UQCC3: variants seen among roughly 807,000 people sequenced by gnomAD.
UQCC3 encodes the protein ubiquinol-cytochrome-c reductase complex assembly factor 3.
A neutral mutation model predicts 3.4 loss-of-function variants in UQCC3; 3 were observed. The observed-to-expected ratio is 0.88, with a 90% CI of 0.40 to 2.26. The LOEUF is 2.26. Among genes scored for constraint, UQCC3 ranks in the 30% most tolerant of loss-of-function variants. The probability of loss-of-function intolerance (pLI) is 0.05; values close to 1 mark genes in which losing one functional copy is unlikely to be tolerated. For missense variants in UQCC3, 141 were observed against 123.0 expected, an observed-to-expected ratio of 1.15 and a Z score of -0.69; for synonymous variants, 57 against 57.1, an observed-to-expected ratio of 1.00 and a Z score of 0.00.
In UQCC3 at chr11:62,671,884, C is replaced by A. The variant is rs1590855462; in HGVS notation, c.120+19C>A. 6.2e-7 allele frequency: 1 copy of A among 1,613,842 alleles called. No individual in the cohort carries two copies. The highest frequency in any genetic ancestry group is 2.2e-5 in the East Asian group (1 of 44,870). ...GCTAAAGGTAGAAGCAACTGGTAGT[C>A]CCGAGGAAGGGTGGGCGGGTGGAGA... On this transcript the variant is annotated intron_variant, in intron 1 of 1. Coordinates refer to ENST00000377953, the MANE Select transcript of UQCC3 (RefSeq NM_001085372.3).
Position 62,673,641 on chromosome 11 carries a change from GTT to G in UQCC3, c.*1528_*1529del, listed in dbSNP as rs1944977699. 3.4e-5 allele frequency: 5 copies of G among 147,202 alleles called. No individual in the cohort carries two copies. The South Asian group carries it at 1.1e-3, about 32-fold the overall frequency. The allele number at this position is 147,202 out of a possible 1,614,324, so 9.1% of individuals were successfully genotyped here. A position where few individuals can be genotyped will look rare whatever the true frequency, so the allele number is the denominator to read the frequency against. ...GACTGCAATTGAAAAAAAGGCTGCT[GTT>G]ATTAAAGTCAGAACACCAAATAAAG... On this transcript the variant is annotated 3_prime_UTR_variant, in exon 2 of 2. Coordinates refer to ENST00000377953, the MANE Select transcript of UQCC3 (RefSeq NM_001085372.3).
In UQCC3 at chr11:62,671,785, C is replaced by T. The variant is rs1313735809; in HGVS notation, c.40C>T (p.Leu14=). Residue 14 remains leucine, a synonymous_variant, in exon 1 of 2, where the codon CTG becomes TTG. Transcript: ENST00000377953. ...LRKMLISVAM[L]GAGAGVGYAL... is the part of the protein sequence containing the mutation. ...GAAAATGCTGATCTCAGTCGCAATG[C>T]TGGGCGCAGGGGCTGGCGTGGGCTA... The T allele has an allele frequency of 1.4e-5, 23 of 1,614,110 alleles. No homozygotes were observed. Among genetic ancestry groups the T allele is most frequent in the Non-Finnish European group, 1.8e-5 (21 of 1,180,008 alleles).
Position 62,672,407 on chromosome 11 carries a change from T to C in UQCC3, c.*293T>C. The C allele has an allele frequency of 2.2e-6, 1 of 444,710 alleles. No homozygotes were observed. Among genetic ancestry groups the C allele is most frequent in the East Asian group, 4.7e-5 (1 of 21,394 alleles). 27.5% of individuals were successfully genotyped at this position (444,710 alleles called of 1,614,324 possible). ...GAGCCCTGCAGTCGACACCTACCAA[T>C]GCTTAGAGACGCGTGGTCGGTGCTG... On this transcript the variant is annotated 3_prime_UTR_variant, in exon 2 of 2. Coordinates refer to ENST00000377953, the MANE Select transcript of UQCC3 (RefSeq NM_001085372.3).
At position 62,671,813 on chromosome 11, in the gene UQCC3, C is replaced by A; in HGVS notation, c.68C>A (p.Ala23Glu). The A allele has an allele frequency of 6.2e-7, 1 of 1,614,126 alleles. No individual in the cohort carries two copies. Among genetic ancestry groups the A allele is most frequent in the South Asian group, 1.1e-5 (1 of 91,086 alleles). The change falls in exon 1 of 2, where the codon GCG becomes GAG. Residue 23 changes from alanine to glutamate, a missense_variant. Physicochemically the swap from Ala to Glu is moderately radical, Grantham distance 107. Transcript: ENST00000377953. ...GGCGCAGGGGCTGGCGTGGGCTACG[C>A]GCTCCTCGTTATCGTGACCCCGGGA... Reference protein sequence around the residue: ...MLGAGAGVGYALLVIVTPGER... With the variant: ...MLGAGAGVGYELLVIVTPGER...
chr11:62,671,888 A>G (rs1437177454), intron 1 of UQCC3, 23 bp downstream of exon 1: 1 of 1,612,948 alleles, frequency 6.2e-7, no homozygotes, highest in African/African-American at 1.3e-5. Context: ...GGTAGTCCCG[A>G]GGAAGGGTGG....
chr11:62,671,675 T>A lies in UQCC3; in HGVS notation c.-71T>A. 1 of 1,593,708 alleles carries A rather than the reference T, an allele frequency of 6.3e-7. No homozygotes were observed. Among genetic ancestry groups the A allele is most frequent in the South Asian group, 1.1e-5 (1 of 89,372 alleles). On this transcript the variant is annotated 5_prime_UTR_variant, in exon 1 of 2. Transcript: ENST00000377953. ...CGCTCTAGCCTGCGCCAAGGGGTAG[T>A]GAGACCGCGCGGCAACAGCTTGCGG...
In UQCC3 at chr11:62,671,987, A is replaced by C. The variant is rs766527334; in HGVS notation, c.155A>C (p.Glu52Ala). 9.3e-6 allele frequency: 15 copies of C among 1,613,740 alleles called. No homozygotes were observed. The Admixed American group carries it at 1.8e-4, about 20-fold the overall frequency. ...CTGCAGGACCCAAGGAGCAGGGAGG[A>C]GGCGGCCAGGACCCAGCAGCTATTG... ...MPLQDPRSRE[E>A]AARTQQLLLA... Residue 52 changes from glutamate (E) to alanine (A), a missense_variant, in exon 2 of 2, where the codon GAG becomes GCG. Coordinates refer to ENST00000377953, the MANE Select transcript of UQCC3 (RefSeq NM_001085372.3).
Position 62,672,475 on chromosome 11 carries a change from G to A in UQCC3, c.*361G>A, listed in dbSNP as rs1944961373. 3.7e-6 allele frequency: 1 copy of A among 272,184 alleles called. No homozygotes were observed. The highest frequency in any genetic ancestry group is 9.6e-5 in the East Asian group (1 of 10,464). The allele number at this position is 272,184 out of a possible 1,614,324, so 16.9% of individuals were successfully genotyped here. A position where few individuals can be genotyped will look rare whatever the true frequency, so the allele number is the denominator to read the frequency against. The stretch of plus-strand genomic sequence containing the variant: ...TGCTGCCTGTCCCACCCCACCAGAA[G>A]AGGCTGATCCCGATAGGTATCTGAC... On this transcript the variant is annotated 3_prime_UTR_variant, in exon 2 of 2. Coordinates refer to ENST00000377953, the MANE Select transcript of UQCC3 (RefSeq NM_001085372.3).
Position 62,672,172 on chromosome 11 carries a change from G to A in UQCC3, c.*58G>A. On this transcript the variant is annotated 3_prime_UTR_variant, in exon 2 of 2. Transcript: ENST00000377953. ...GGCTTGGGCGCAGGAATCCGAGGCA[G>A]CCTTTCTCCTTCGTGGGCCCAGCGG... 6.6e-7 allele frequency: 1 copy of A among 1,505,640 alleles called. No homozygotes were observed. 93.3% of individuals were successfully genotyped at this position (1,505,640 alleles called of 1,614,324 possible). A position where few individuals can be genotyped will look rare whatever the true frequency, so the allele number is the denominator to read the frequency against.
At position 62,672,745 on chromosome 11, in the gene UQCC3, G is replaced by A. The variant is rs1468270972; in HGVS notation, c.*631G>A. On this transcript the variant is annotated 3_prime_UTR_variant, in exon 2 of 2. Coordinates refer to ENST00000377953, the MANE Select transcript of UQCC3 (RefSeq NM_001085372.3). ...CTCGAACTCCAGACCCAGGTGATCC[G>A]CCCGCCTCGGCCTCCCAAAGGGCTG... 5 of 152,520 alleles carry A rather than the reference G, an allele frequency of 3.3e-5. No individual in the cohort carries two copies. Among genetic ancestry groups the A allele is most frequent in the African/African-American group, 9.6e-5 (4 of 41,524 alleles). 9.4% of individuals were successfully genotyped at this position (152,520 alleles called of 1,614,324 possible). A position where few individuals can be genotyped will look rare whatever the true frequency, so the allele number is the denominator to read the frequency against.
Position 62,672,161 on chromosome 11 carries a change from A to C in UQCC3, c.*47A>C. 1 of 1,526,762 alleles carries C rather than the reference A, an allele frequency of 6.5e-7. No individual in the cohort carries two copies. The highest frequency in any genetic ancestry group is 8.8e-7 in the Non-Finnish European group (1 of 1,136,232). The allele number at this position is 1,526,762 out of a possible 1,614,324, so 94.6% of individuals were successfully genotyped here. On this transcript the variant is annotated 3_prime_UTR_variant, in exon 2 of 2. Coordinates refer to ENST00000377953, the MANE Select transcript of UQCC3 (RefSeq NM_001085372.3). Reference sequence around the variant, plus strand: ...CGCCGGACCTTGGCTTGGGCGCAGGAATCCGAGGCAGCCTTTCTCCTTCGT... The same window carrying C: ...CGCCGGACCTTGGCTTGGGCGCAGGCATCCGAGGCAGCCTTTCTCCTTCGT...
rs1383685033 is a variant in UQCC3 at position 62,672,078 on chromosome 11, T to TGGCGGCGAA, written c.254_262dup (p.Glu85_Gly87dup). The TGGCGGCGAA allele has an allele frequency of 1.1e-5, 18 of 1,603,624 alleles. No individual in the cohort carries two copies. Among genetic ancestry groups the TGGCGGCGAA allele is most frequent in the African/African-American group, 2.7e-5 (2 of 74,776 alleles). On this transcript the variant is annotated inframe_insertion, in exon 2 of 2. Coordinates refer to ENST00000377953, the MANE Select transcript of UQCC3 (RefSeq NM_001085372.3). ...TGGCCTGGAGGAAGAACTGGATGGT[T>TGGCGGCGAA]GGCGGCGAAGGCGGCGCCGGCGGGA... is the stretch of plus-strand genomic sequence containing the variant.
In UQCC3 at chr11:62,671,885, C is replaced by T. The variant is rs1175313435; in HGVS notation, c.120+20C>T. The T allele has an allele frequency of 6.2e-7, 1 of 1,613,812 alleles. No homozygotes were observed. ...CTAAAGGTAGAAGCAACTGGTAGTC[C>T]CGAGGAAGGGTGGGCGGGTGGAGAG... is the stretch of plus-strand genomic sequence containing the variant. On this transcript the variant is annotated intron_variant, in intron 1 of 1. Transcript: ENST00000377953.
Position 62,673,482 on chromosome 11 carries a change from G to C in UQCC3, c.*1368G>C, listed in dbSNP as rs1209317226. On this transcript the variant is annotated 3_prime_UTR_variant, in exon 2 of 2. Coordinates refer to ENST00000377953, the MANE Select transcript of UQCC3 (RefSeq NM_001085372.3). Reference sequence around the variant, plus strand: ...TAAAACATTAATTTAGAAATGTAAAGTGGTCCCCAATCTCTGGATCTGGTC... The same window carrying C: ...TAAAACATTAATTTAGAAATGTAAACTGGTCCCCAATCTCTGGATCTGGTC... 2 of 152,108 alleles carry C rather than the reference G, an allele frequency of 1.3e-5. No homozygotes were observed. 9.4% of individuals were successfully genotyped at this position (152,108 alleles called of 1,614,324 possible). A position where few individuals can be genotyped will look rare whatever the true frequency, so the allele number is the denominator to read the frequency against.
In UQCC3 at chr11:62,672,272, C is replaced by A; in HGVS notation, c.*158C>A. On this transcript the variant is annotated 3_prime_UTR_variant, in exon 2 of 2. Transcript: ENST00000377953. ...TGCCGTCGGGTGAGCACGTTTCCCCCAAACCCTGGACTGACTGCTTTAAGG... is the reference window on the plus strand; with the variant it reads ...TGCCGTCGGGTGAGCACGTTTCCCCAAAACCCTGGACTGACTGCTTTAAGG... The A allele has an allele frequency of 1.3e-6, 1 of 774,358 alleles. No individual in the cohort carries two copies. The highest frequency in any genetic ancestry group is 2.0e-6 in the Non-Finnish European group (1 of 491,142). The allele number at this position is 774,358 out of a possible 1,614,324, so 48.0% of individuals were successfully genotyped here. A position where few individuals can be genotyped will look rare whatever the true frequency, so the allele number is the denominator to read the frequency against.
Position 62,672,298 on chromosome 11 carries a change from T to G in UQCC3, c.*184T>G. 1.5e-6 allele frequency: 1 copy of G among 656,784 alleles called. No individual in the cohort carries two copies. The highest frequency in any genetic ancestry group is 2.6e-6 in the Non-Finnish European group (1 of 389,620). 40.7% of individuals were successfully genotyped at this position (656,784 alleles called of 1,614,324 possible). On this transcript the variant is annotated 3_prime_UTR_variant, in exon 2 of 2. Transcript: ENST00000377953. ...AAACCCTGGACTGACTGCTTTAAGG[T>G]CCGCAAGGCGGGCCAGGGCCGAGAC...
Position 62,672,097 on chromosome 11 carries a change from G to A in UQCC3, c.265G>A (p.Gly89Ser), listed in dbSNP as rs13941. The A allele has an allele frequency of 0.7, 1,118,329 of 1,586,424 alleles. 397,333 individuals are homozygous for A. Among genetic ancestry groups the A allele is most frequent in the East Asian group, 0.93 (40,683 of 43,846 alleles). Residue 89 changes from glycine (G) to serine (S), a missense_variant, in exon 2 of 2, where the codon GGC (glycine) becomes AGC (serine). Gly to Ser is a moderately conservative substitution (Grantham distance 56). Coordinates refer to ENST00000377953, the MANE Select transcript of UQCC3 (RefSeq NM_001085372.3). ...GATGGTTGGCGGCGAAGGCGGCGCC[G>A]GCGGGAGGTCACCGTGAGACCGGAC... Reference protein sequence around the residue: ...NWMVGGEGGAGGRSP With the variant: ...NWMVGGEGGASGRSP
At position 62,672,078 on chromosome 11, in the gene UQCC3, TGGCGGCGAA is replaced by T; in HGVS notation, c.254_262del (p.Glu85_Gly87del). On this transcript the variant is annotated inframe_deletion, in exon 2 of 2. Transcript: ENST00000377953. ...TGGCCTGGAGGAAGAACTGGATGGT[TGGCGGCGAA>T]GGCGGCGCCGGCGGGAGGTCACCGT... 6.2e-7 allele frequency: 1 copy of T among 1,603,742 alleles called. No individual in the cohort carries two copies. Among genetic ancestry groups the T allele is most frequent in the Non-Finnish European group, 8.5e-7 (1 of 1,175,532 alleles).
chr11:62,671,942 C>T lies in UQCC3; in HGVS notation c.121-11C>T, dbSNP rs184836500. 1.8e-3 allele frequency: 2,913 copies of T among 1,613,812 alleles called. 56 individuals carry two copies. In the African/African-American group the frequency reaches 0.036, roughly 20 times the overall value. ...ACTGGAGCTCCTGCGAACTCCCCTTCCTGCCCTCAGGAGATGCCACTGCAG... is the reference window on the plus strand; with the variant it reads ...ACTGGAGCTCCTGCGAACTCCCCTTTCTGCCCTCAGGAGATGCCACTGCAG... On this transcript the variant is annotated splice_polypyrimidine_tract_variant and intron_variant, in intron 1 of 1. Coordinates refer to ENST00000377953, the MANE Select transcript of UQCC3 (RefSeq NM_001085372.3).
Sources: allele counts gnomAD v4.1 joint callset, GRCh38; gene constraint gnomAD v4.1.1; transcripts MANE v1.5; gene names NCBI Gene and HGNC (gene_info 2026-07-23, HGNC 2026-07-21).